MFNG: variants seen among roughly 807,000 people sequenced by gnomAD.
The protein encoded by MFNG is MFNG O-fucosylpeptide 3-beta-N-acetylglucosaminyltransferase, also known as beta-1,3-N-acetylglucosaminyltransferase manic fringe.
A neutral mutation model predicts 34.2 loss-of-function variants in MFNG; 24 were observed. The observed-to-expected ratio is 0.70, with a 90% CI of 0.51 to 0.99. MFNG has a LOEUF of 0.99. MFNG is among the 50% of genes least tolerant of loss of function. The probability of loss-of-function intolerance (pLI) is 0.00; values close to 1 mark genes in which losing one functional copy is unlikely to be tolerated. For synonymous variants in MFNG, 158 were observed against 179.2 expected (o/e 0.88, Z 0.94); for missense variants, 383 against 424.0 (o/e 0.90, Z 0.85).
intron 1 of MFNG, among the ~76,000 whole-genome samples, chr22:37,481,622 C>T (rs973608515): frequency 1.3e-5 from 2 of 152,224 alleles, no homozygotes; most frequent in African/African-American, 2.4e-5. Flanking sequence ...ATTCCATGCC[C>T]GGCCCAACAT....
At chr22:37,475,407 A>G (rs1207917942) in intron 5 of MFNG, among the ~76,000 whole-genome samples, 1 of 152,078 alleles carries the variant, frequency 6.6e-6, no homozygotes, top group Admixed American at 6.6e-5. Flanking sequence ...TATTTTTAGT[A>G]GAGACAGAGT....
intron 7 of MFNG, among the ~76,000 whole-genome samples, chr22:37,471,286 C>CTGTA (rs920160681): frequency 5.9e-5 from 9 of 152,220 alleles, no homozygotes; most frequent in Admixed American, 5.9e-4. Flanking sequence ...TTGCATGTCA[C>CTGTA]TACAAGGAGC....
Position 37,482,768 on chromosome 22 carries a change from C to T in MFNG, c.256-1999G>A, listed in dbSNP as rs1394270861. On this transcript the variant is annotated intron_variant, in intron 1 of 7. Transcript: ENST00000356998. This position sits in a 1 kb window ranked among gnomAD's most constrained non-coding sequence, Gnocchi z 4.1. ...TCTCCTTGCTCCGGCACCTGGCTCT[C>T]CTCAGGAAGGCCTGTGCAGCATCCA... 6.6e-6 allele frequency among the ~76,000 whole-genome samples: 1 copy of T among 152,188 alleles called. No homozygotes were observed. Among genetic ancestry groups the T allele is most frequent in the Non-Finnish European group, 1.5e-5 (1 of 68,038 alleles).
rs1290820539 is a variant in MFNG, at chr22:37,483,239, C to T, written c.256-2470G>A. 6.6e-6 allele frequency among the ~76,000 whole-genome samples: 1 copy of T among 152,186 alleles called. No homozygotes were observed. The highest frequency in any genetic ancestry group is 2.4e-5 in the African/African-American group (1 of 41,460). ...ATCGTCTGGGACGCTGCTCTTCCCT[C>T]CGGCCCACCCGGCCACCTAGTCCCC... is the stretch of plus-strand genomic sequence containing the variant. On this transcript the variant is annotated intron_variant, in intron 1 of 7. Transcript: ENST00000356998. This position sits in a 1 kb window ranked among gnomAD's most constrained non-coding sequence, Gnocchi z 4.5.
chr22:37,478,828 G>A (rs561089197), intron 4 of MFNG, among the ~76,000 whole-genome samples: 3 of 152,166 alleles, frequency 2.0e-5, no homozygotes, highest in South Asian at 2.1e-4. Context: ...ACAGGTGCCC[G>A]CCACCATGCC....
chr22:37,470,149 A>T, intron 7 of MFNG, 120 bp from the exon 8 acceptor site: 1 of 681,062 alleles, frequency 1.5e-6, no homozygotes, highest in Non-Finnish European at 2.6e-6. Context: ...CCTCAACACC[A>T]CTAACACTTA....
At chr22:37,476,726 C>T (rs1922059738) in intron 5 of MFNG, among the ~76,000 whole-genome samples, 170 bp downstream of exon 5, 1 of 152,210 alleles carries the variant, frequency 6.6e-6, no homozygotes, top group African/African-American at 2.4e-5. Context: ...CCCCTGAGGG[C>T]AGGTGGCAGG....
Position 37,483,957 on chromosome 22 carries a change from T to C in MFNG, c.255+1966A>G, listed in dbSNP as rs753036926. On this transcript the variant is annotated intron_variant, in intron 1 of 7. Transcript: ENST00000356998. The surrounding 1 kb of genome is among the most constrained non-coding windows in gnomAD (Gnocchi z 4.5). ...AGTTTCTTTGGAGCCAAGGGCTGCA[T>C]TTGACTTGTTTAAGGAGGGGACCTG... is the stretch of plus-strand genomic sequence containing the variant. Among the ~76,000 whole-genome samples, 3 of 152,074 alleles carry C rather than the reference T, an allele frequency of 2.0e-5. No homozygotes were observed. Among genetic ancestry groups the C allele is most frequent in the South Asian group, 2.1e-4 (1 of 4,828 alleles).
At chr22:37,476,213 C>T (rs1272534989) in intron 5 of MFNG, among the ~76,000 whole-genome samples, 5 of 152,018 alleles carry the variant, frequency 3.3e-5, no homozygotes, top group Admixed American at 2.0e-4. Context: ...GGAAAGACCT[C>T]CAGAAGCCAG....
intron 1 of MFNG, 31 bp from the exon 2 acceptor site, chr22:37,480,800 C>T: frequency 6.2e-7 from 1 of 1,607,390 alleles, no homozygotes; most frequent in Non-Finnish European, 8.5e-7. Flanking sequence ...TCAGGACTCA[C>T]ATCGGCCCAA....
chr22:37,469,661 C>T lies in MFNG; in HGVS notation c.*302G>A, dbSNP rs866271473. ...TGCCTAAAGGGTTAGGACCCCTGAG[C>T]CCCAGCCCAGCTCAAGTGCCCCCTG... On this transcript the variant is annotated 3_prime_UTR_variant, in exon 8 of 8. Coordinates refer to ENST00000356998, the MANE Select transcript of MFNG (RefSeq NM_002405.4). 6.4e-6 allele frequency: 3 copies of T among 469,374 alleles called. No individual in the cohort carries two copies. Among genetic ancestry groups the T allele is most frequent in the African/African-American group, 3.9e-5 (2 of 50,650 alleles). 29.1% of individuals were successfully genotyped at this position (469,374 alleles called of 1,614,324 possible). A position where few individuals can be genotyped will look rare whatever the true frequency, so the allele number is the denominator to read the frequency against.
In MFNG at chr22:37,472,470, G is replaced by A; in HGVS notation, c.872C>T (p.Pro291Leu). The A allele has an allele frequency of 6.3e-7, 1 of 1,581,596 alleles. No individual in the cohort carries two copies. Among genetic ancestry groups the A allele is most frequent in the East Asian group, 2.4e-5 (1 of 41,444 alleles). ...GKLNVIKLQG[P>L]FSPEEDPSRF... ...GGAGGGGTCCTCCTCCGGGGAGAAGGGGCCCTGTAGCTTAATGACGTTGAG... is the reference window on the plus strand; with the variant it reads ...GGAGGGGTCCTCCTCCGGGGAGAAGAGGCCCTGTAGCTTAATGACGTTGAG... Residue 291 changes from proline to leucine, a missense_variant, in exon 7 of 8, where the codon CCC (proline) becomes CTC (leucine). Physicochemically the swap from Pro to Leu is moderately conservative, Grantham distance 98. Coordinates refer to ENST00000356998, the MANE Select transcript of MFNG (RefSeq NM_002405.4).
intron 5 of MFNG, among the ~76,000 whole-genome samples, chr22:37,476,217 A>G (rs1922030757): frequency 6.6e-6 from 1 of 151,990 alleles, no homozygotes; most frequent in Admixed American, 6.5e-5. Flanking sequence ...AGACCTCCAG[A>G]AGCCAGGCCT....
At chr22:37,475,664 C>T (rs2145729741) in intron 5 of MFNG, among the ~76,000 whole-genome samples, 1 of 152,216 alleles carries the variant, frequency 6.6e-6, no homozygotes, top group East Asian at 1.9e-4. Flanking sequence ...TGTGGAAATC[C>T]AGCCTGTACT....
intron 6 of MFNG, among the ~76,000 whole-genome samples, chr22:37,472,940 C>A (rs961458850): frequency 6.6e-5 from 10 of 152,166 alleles, no homozygotes; most frequent in African/African-American, 2.4e-4. Flanking sequence ...CGACATGGAT[C>A]ATGATTTCAG....
rs779141270 is a variant in MFNG, at chr22:37,480,271, G to A, written c.333C>T (p.Ser111=). 1.4e-5 allele frequency: 22 copies of A among 1,613,738 alleles called. No individual in the cohort carries two copies. The Middle Eastern group carries it at 1.5e-3, about 109-fold the overall frequency. The change falls in exon 3 of 8, where the codon TCC becomes TCT. Residue 111 remains serine, a synonymous_variant. Transcript: ENST00000356998. ...ACAGAGCTGGGTGGCTGTGTTCCGC[G>A]GAGCAGTTGGTGACCACAAGGTGGG... ...LGSHLVVTNC[S]AEHSHPALSC...
At chr22:37,474,733 G>A (rs2071841) in intron 5 of MFNG, 56 bp from the exon 6 acceptor site, 88,439 of 1,523,360 alleles carry the variant, frequency 0.058, 3,825 homozygotes, top group South Asian at 0.2. Flanking sequence ...ACCCAGAGCC[G>A]TGGGCCACCC....
chr22:37,481,816 C>A (rs1348235505), intron 1 of MFNG, among the ~76,000 whole-genome samples: 1 of 152,236 alleles, frequency 6.6e-6, no homozygotes, highest in Non-Finnish European at 1.5e-5. Context: ...ACACTCGTGG[C>A]TTAACCCTGT....
At chr22:37,480,797 T>C (rs898148057) in intron 1 of MFNG, 28 bp from the exon 2 acceptor site, 1 of 1,609,030 alleles carries the variant, frequency 6.2e-7, no homozygotes, top group South Asian at 1.1e-5. Flanking sequence ...GGGTCAGGAC[T>C]CACATCGGCC....
Sources: allele counts gnomAD v4.1 joint callset (sites outside exome capture counted in the v4.1 genomes callset), GRCh38; gene constraint gnomAD v4.1.1; non-coding constraint Gnocchi (gnomAD v3.1); transcripts MANE v1.5; gene names NCBI Gene and HGNC (gene_info 2026-07-23, HGNC 2026-07-21).